The following SAMD12 variants were observed in gnomAD, a reference collection of about 807,000 sequenced individuals.
SAMD12 encodes sterile alpha motif domain containing 12.
SAMD12 carries 9 observed loss-of-function variants against 15.0 expected under a neutral mutation model. The ratio of observed to expected loss-of-function variants is 0.60; its 90% CI spans 0.36 to 1.05. The LOEUF (loss-of-function observed/expected upper bound fraction) is 1.05, where lower values mean the gene tolerates loss of function less well. Ranked by LOEUF, SAMD12 falls within the 50% of genes least tolerant of loss-of-function variation. The pLI is 0.01. For missense variants in SAMD12, 230 were observed against 234.2 expected (o/e 0.98, Z 0.12); for synonymous variants, 86 against 90.1 (o/e 0.96, Z 0.25).
At chr8:118,151,755 G>A in the SAMD12 span, among the ~76,000 whole-genome samples, 53 of 151,838 alleles carry the variant, frequency 3.5e-4, 2 homozygotes, top group South Asian at 8.2e-3. Context: ...GCATGAACCC[G>A]GGAAGCAGAG....
chr8:118,367,679 T>C (rs1818871381), intron 4 of SAMD12, among the ~76,000 whole-genome samples: 1 of 152,204 alleles, frequency 6.6e-6, no homozygotes, highest in African/African-American at 2.4e-5. Flanking sequence ...TTGAAGTCTC[T>C]GAAGTTCCCT....
At chr8:118,528,033 A>AT (rs59335870) in intron 2 of SAMD12, among the ~76,000 whole-genome samples, 3 of 69,246 alleles carry the variant, frequency 4.3e-5, no homozygotes, top group Non-Finnish European at 7.2e-5. Context: ...ATATATATAT[A>AT]TTTTTTTTCC....
chr8:118,580,145 T>C (rs1297409351), intron 2 of SAMD12, among the ~76,000 whole-genome samples: 1 of 152,190 alleles, frequency 6.6e-6, no homozygotes, highest in Non-Finnish European at 1.5e-5. Flanking sequence ...ACAAGATTGT[T>C]ACAGGGACAC....
At chr8:118,267,293 A>G (rs548743068) in intron 4 of SAMD12, among the ~76,000 whole-genome samples, 3 of 152,296 alleles carry the variant, frequency 2.0e-5, no homozygotes, top group Admixed American at 2.0e-4. Flanking sequence ...ATAAATGCCC[A>G]AGAATTTCTC....
At chr8:118,280,271 T>C (rs1256151382) in intron 4 of SAMD12, among the ~76,000 whole-genome samples, 2 of 152,198 alleles carry the variant, frequency 1.3e-5, no homozygotes, top group South Asian at 2.1e-4. Flanking sequence ...CCAGTTGTTA[T>C]TGTGTCACAG....
At chr8:118,561,799 G>A (rs745870272) in intron 2 of SAMD12, among the ~76,000 whole-genome samples, 2 of 152,044 alleles carry the variant, frequency 1.3e-5, no homozygotes, top group Non-Finnish European at 1.5e-5. Flanking sequence ...AACTACCGTC[G>A]TCAATAAAAA....
chr8:118,509,535 C>G (rs1825016194), intron 2 of SAMD12, among the ~76,000 whole-genome samples: 1 of 152,140 alleles, frequency 6.6e-6, no homozygotes, highest in Admixed American at 6.5e-5. Flanking sequence ...TGTTCTGTTT[C>G]TGAAATGGTT....
At position 118,326,016 on chromosome 8, in the gene SAMD12, C is replaced by T. The variant is rs1018587659; in HGVS notation, c.433+53544G>A. Among the ~76,000 whole-genome samples, 8 of 152,062 alleles carry T rather than the reference C, an allele frequency of 5.3e-5. No individual in the cohort carries two copies. The South Asian group carries it at 6.2e-4, about 12-fold the overall frequency. On this transcript the variant is annotated intron_variant, in intron 4 of 4. Coordinates refer to the SAMD12 transcript ENST00000409003. The stretch of plus-strand genomic sequence containing the variant: ...TGCATGGTGCTGGCTGACTTCACGC[C>T]GGAAGCCCATGGATTCAGCTGCTGA...
At chr8:118,550,729 C>T (rs1237741423) in intron 2 of SAMD12, among the ~76,000 whole-genome samples, 3 of 151,672 alleles carry the variant, frequency 2.0e-5, no homozygotes, top group Non-Finnish European at 4.4e-5. Flanking sequence ...AAGACACAGA[C>T]TGGCAAATTG....
downstream of SAMD12, among the ~76,000 whole-genome samples, chr8:118,189,118 G>A (rs747540581): frequency 5.9e-5 from 9 of 152,112 alleles, no homozygotes; most frequent in Non-Finnish European, 1.2e-4. Context: ...TACCATGTCT[G>A]AGGGGTGAAG....
chr8:118,484,943 C>T (rs1246329862), intron 2 of SAMD12, among the ~76,000 whole-genome samples: 2 of 152,052 alleles, frequency 1.3e-5, no homozygotes, highest in African/African-American at 2.4e-5. Flanking sequence ...GATCCTTGGT[C>T]GTATGCAGCT....
chr8:118,584,474 G>A (rs777047996), intron 1 of SAMD12, among the ~76,000 whole-genome samples: 3 of 151,952 alleles, frequency 2.0e-5, no homozygotes, highest in East Asian at 3.9e-4. Flanking sequence ...GGTCGGCTTC[G>A]AGACCCTCTT....
intron 3 of SAMD12, among the ~76,000 whole-genome samples, chr8:118,384,041 G>T (rs1819818191): frequency 6.6e-6 from 1 of 152,112 alleles, no homozygotes. Context: ...TTAAAAAGAT[G>T]AGGGCTATTG....
chr8:118,510,764 A>C (rs1466111888), intron 2 of SAMD12, among the ~76,000 whole-genome samples: 1 of 152,214 alleles, frequency 6.6e-6, no homozygotes, highest in African/African-American at 2.4e-5. Flanking sequence ...CTGGGGCAAA[A>C]GAGTACTATT....
rs1554658041 is a variant in SAMD12, at chr8:118,415,448, G to GGGGTGTGT, written c.322+24383_322+24384insACACACCC. 2.2e-3 allele frequency among the ~76,000 whole-genome samples: 310 copies of GGGGTGTGT among 142,944 alleles called. 2 individuals carry two copies. The highest frequency in any genetic ancestry group is 7.5e-3 in the African/African-American group (290 of 38,756). The allele number at this position is 142,944 out of a possible 152,430, so 93.8% of individuals were successfully genotyped here. ...AAGTAAATAAATAACCTTGTCCTAA[G>GGGGTGTGT]GTGTGTGTGTGTGTGTGTGTGTGTG... On this transcript the variant is annotated intron_variant, in intron 3 of 3. Coordinates refer to ENST00000314727, the MANE Select transcript of SAMD12 (RefSeq NM_207506.3).
chr8:118,472,798 A>G (rs563798658), intron 2 of SAMD12, among the ~76,000 whole-genome samples: 10 of 152,100 alleles, frequency 6.6e-5, no homozygotes, highest in Non-Finnish European at 1.2e-4. Flanking sequence ...CCTGGTATAC[A>G]TTGCTGACTC....
At chr8:118,540,950 A>G (rs1159251520) in intron 2 of SAMD12, among the ~76,000 whole-genome samples, 1 of 152,152 alleles carries the variant, frequency 6.6e-6, no homozygotes, top group Non-Finnish European at 1.5e-5. Flanking sequence ...GTAAATCAGG[A>G]TCCTTTTTCA....
chr8:118,395,557 T>G (rs1820513720), intron 3 of SAMD12, among the ~76,000 whole-genome samples: 1 of 152,172 alleles, frequency 6.6e-6, no homozygotes, highest in African/African-American at 2.4e-5. Flanking sequence ...TACAAGGTTC[T>G]CCAACCTCAA....
intron 2 of SAMD12, among the ~76,000 whole-genome samples, chr8:118,484,888 A>G (rs1364625397): frequency 2.6e-5 from 4 of 152,160 alleles, no homozygotes; most frequent in Admixed American, 6.5e-5. Context: ...TATTTATGAA[A>G]TATTTGCTCT....
Sources: allele counts gnomAD v4.1 joint callset (sites outside exome capture counted in the v4.1 genomes callset), GRCh38; gene constraint gnomAD v4.1.1; transcripts MANE v1.5; gene names NCBI Gene and HGNC (gene_info 2026-07-23, HGNC 2026-07-21).